The following ABCC1 variants were observed in gnomAD, a reference collection of about 807,000 sequenced individuals.
The protein encoded by ABCC1 is ATP binding cassette subfamily C member 1 (ABCC1 blood group).
A neutral mutation model predicts 172.9 loss-of-function variants in ABCC1; 83 were observed. The ratio of observed to expected loss-of-function variants is 0.48; its 90% CI spans 0.40 to 0.58. ABCC1 has a LOEUF of 0.58. ABCC1 is among the 20% of genes least tolerant of loss of function. The probability of loss-of-function intolerance (pLI) is 0.00; values close to 1 mark genes in which losing one functional copy is unlikely to be tolerated. For missense variants in ABCC1, 1,817 were observed against 2,002.7 expected, an observed-to-expected ratio of 0.91 and a Z score of 1.77; for synonymous variants, 937 against 825.2, an observed-to-expected ratio of 1.14 and a Z score of -2.32.
chr16:16,117,920 A>C (rs142374021), intron 23 of ABCC1, among the ~76,000 whole-genome samples: 35 of 152,254 alleles, frequency 2.3e-4, no homozygotes, highest in Non-Finnish European at 4.7e-4. Flanking sequence ...AAAACAGAGA[A>C]GTTTCTGTTG....
At chr16:15,993,515 A>G (rs1453257555) in intron 1 of ABCC1, among the ~76,000 whole-genome samples, 2 of 152,180 alleles carry the variant, frequency 1.3e-5, no homozygotes, top group Non-Finnish European at 2.9e-5. Context: ...TTTGATTGTC[A>G]TAACTTGAGG....
chr16:16,109,951 C>T (rs2052312636), intron 21 of ABCC1, among the ~76,000 whole-genome samples: 1 of 152,142 alleles, frequency 6.6e-6, no homozygotes, highest in Non-Finnish European at 1.5e-5. Context: ...CCGGTTTTTC[C>T]AGCCTCTTGT....
At chr16:16,125,589 T>C (rs1028663425) in intron 25 of ABCC1, among the ~76,000 whole-genome samples, 4 of 151,970 alleles carry the variant, frequency 2.6e-5, no homozygotes, top group African/African-American at 9.7e-5. Flanking sequence ...TCACCATGCC[T>C]GGCTAATTTT....
chr16:16,053,275 T>C lies in ABCC1; in HGVS notation c.1473+459T>C, dbSNP rs74011379. ...TTATAGGATACATGCTGTTAATCTC[T>C]TTATTTAAATTAAAATAATTAATTT... On this transcript the variant is annotated intron_variant, in intron 11 of 30. Transcript: ENST00000399410. 1.6e-3 allele frequency among the ~76,000 whole-genome samples: 242 copies of C among 152,236 alleles called. 3 individuals are homozygous for C. The highest frequency in any genetic ancestry group is 5.5e-3 in the African/African-American group (230 of 41,548).
chr16:16,072,482 G>GC (rs1427304503), intron 14 of ABCC1, among the ~76,000 whole-genome samples: 1 of 87,172 alleles, frequency 1.1e-5, no homozygotes, highest in Non-Finnish European at 2.4e-5. Context: ...AGTTCTCCTG[G>GC]CCTTTTTTTT....
At chr16:16,010,195 C>T (rs2047725561) in intron 3 of ABCC1, among the ~76,000 whole-genome samples, 5 of 151,878 alleles carry the variant, frequency 3.3e-5, no homozygotes, top group African/African-American at 9.7e-5. Flanking sequence ...AGGTGTGTGT[C>T]ACCACGCCCA....
At chr16:15,950,443 G>C (rs1285902761) in intron 1 of ABCC1, among the ~76,000 whole-genome samples, 1 of 152,150 alleles carries the variant, frequency 6.6e-6, no homozygotes, top group East Asian at 1.9e-4. Context: ...TCGGCTCGGG[G>C]CAGACTTGGG....
intron 1 of ABCC1, among the ~76,000 whole-genome samples, chr16:15,958,005 G>A (rs1232319069): frequency 1.3e-5 from 2 of 152,236 alleles, no homozygotes; most frequent in Non-Finnish European, 2.9e-5. Flanking sequence ...GTAGCGGTCC[G>A]CTGAGGCTGT....
Position 16,090,556 on chromosome 16 carries a change from G to A in ABCC1, c.2612G>A (p.Ser871Asn). The A allele has an allele frequency of 6.2e-7, 1 of 1,611,692 alleles. No individual in the cohort carries two copies. Among genetic ancestry groups the A allele is most frequent in the Non-Finnish European group, 8.5e-7 (1 of 1,178,494 alleles). Residue 871 changes from serine to asparagine, a missense_variant, in exon 19 of 31, where the codon AGC (serine) becomes AAC (asparagine). Ser to Asn is a conservative substitution (Grantham distance 46). Transcript: ENST00000399410. The stretch of plus-strand genomic sequence containing the variant: ...GCTGAGTTCCTGCGTACCTATGCCA[G>A]CACAGAGCAGGAGCAGGATGCAGAG... ...AFAEFLRTYA[S>N]TEQEQDAEEN...
intron 23 of ABCC1, 55 bp downstream of exon 23, chr16:16,115,131 G>A: frequency 6.5e-7 from 1 of 1,546,072 alleles, no homozygotes; most frequent in Non-Finnish European, 8.8e-7. Flanking sequence ...TTATATACCA[G>A]TGTTACCTAA....
intron 1 of ABCC1, among the ~76,000 whole-genome samples, chr16:15,973,329 T>C (rs1294490977): frequency 1.3e-5 from 2 of 152,120 alleles, no homozygotes; most frequent in Non-Finnish European, 1.5e-5. Context: ...CATTTGGCAA[T>C]GTCTGGAAAC....
chr16:15,999,248 T>A (rs933689044), intron 1 of ABCC1, among the ~76,000 whole-genome samples: 2 of 152,030 alleles, frequency 1.3e-5, no homozygotes, highest in Non-Finnish European at 2.9e-5. Flanking sequence ...CTCATGATTC[T>A]CCCACCTTGG....
At chr16:16,124,656 A>G in intron 24 of ABCC1, 133 bp from the exon 25 acceptor site, 3 of 1,310,368 alleles carry the variant, frequency 2.3e-6, no homozygotes, top group Non-Finnish European at 3.2e-6. Context: ...CAGTGCCAGG[A>G]AGGACTCTCT....
intron 1 of ABCC1, among the ~76,000 whole-genome samples, chr16:15,988,053 G>C (rs1322106784): frequency 6.6e-6 from 1 of 152,154 alleles, no homozygotes; most frequent in East Asian, 1.9e-4. Context: ...CACCACCCAG[G>C]TTCAAGGGAT....
At position 15,949,849 on chromosome 16, in the gene ABCC1, G is replaced by T. The variant is rs1320754790; in HGVS notation, c.48+50G>T. The T allele has an allele frequency of 2.5e-6, 3 of 1,185,110 alleles. No individual in the cohort carries two copies. The African/African-American group carries it at 4.8e-5, about 19-fold the overall frequency. The allele number at this position is 1,185,110 out of a possible 1,614,324, so 73.4% of individuals were successfully genotyped here. A position where few individuals can be genotyped will look rare whatever the true frequency, so the allele number is the denominator to read the frequency against. On this transcript the variant is annotated intron_variant, in intron 1 of 30. Transcript: ENST00000399410. ...CCGGCGGGACGGAGGGAGGCCGGCGGGGAGGGAAAGCACCGGGCCCGCAGC... is the reference window on the plus strand; with the variant it reads ...CCGGCGGGACGGAGGGAGGCCGGCGTGGAGGGAAAGCACCGGGCCCGCAGC...
chr16:16,117,115 A>G (rs965579877), intron 23 of ABCC1, among the ~76,000 whole-genome samples: 2 of 152,182 alleles, frequency 1.3e-5, no homozygotes, highest in Admixed American at 6.5e-5. Context: ...AACCGAAACC[A>G]TGTGTGTTAG....
At chr16:16,114,498 G>C (rs1000319651) in intron 22 of ABCC1, among the ~76,000 whole-genome samples, 1 of 151,878 alleles carries the variant, frequency 6.6e-6, no homozygotes, top group Non-Finnish European at 1.5e-5. Flanking sequence ...CAACCACCAC[G>C]CCTGGCTAAT....
At chr16:16,051,113 T>G (rs1044227905) in intron 10 of ABCC1, among the ~76,000 whole-genome samples, 16 of 152,044 alleles carry the variant, frequency 1.1e-4, no homozygotes, top group Non-Finnish European at 1.9e-4. Context: ...TGTTGACACT[T>G]GGGGCCAGAC....
chr16:16,046,557 C>T (rs1219331374), intron 9 of ABCC1, among the ~76,000 whole-genome samples: 2 of 152,054 alleles, frequency 1.3e-5, no homozygotes, highest in Non-Finnish European at 2.9e-5. Context: ...GTTGGCCAGG[C>T]TGATCTTGAA....
Sources: allele counts gnomAD v4.1 joint callset (sites outside exome capture counted in the v4.1 genomes callset), GRCh38; gene constraint gnomAD v4.1.1; transcripts MANE v1.5; gene names NCBI Gene and HGNC (gene_info 2026-07-23, HGNC 2026-07-21).